The following KCNH8 variants were observed in gnomAD, a reference collection of about 807,000 sequenced individuals.
KCNH8 encodes the protein potassium voltage-gated channel subfamily H member 8.
Under a neutral mutation model 103.6 loss-of-function variants are expected in KCNH8, and 70 were observed. That is an observed-to-expected ratio of 0.68 (90% CI 0.56 to 0.82). The LOEUF (loss-of-function observed/expected upper bound fraction) is 0.82, where lower values mean the gene tolerates loss of function less well. KCNH8 is among the 40% of genes least tolerant of loss of function. KCNH8 has a pLI of 0.00. For synonymous variants in KCNH8, 498 were observed against 489.4 expected, an observed-to-expected ratio of 1.02 and a Z score of -0.23; for missense variants, 1,217 against 1,329.9, an observed-to-expected ratio of 0.92 and a Z score of 1.32.
chr3:19,390,565 T>C lies in KCNH8; in HGVS notation c.896T>C (p.Val299Ala). The C allele has an allele frequency of 6.2e-7, 1 of 1,613,542 alleles. No homozygotes were observed. The highest frequency in any genetic ancestry group is 8.5e-7 in the Non-Finnish European group (1 of 1,179,632). The change falls in exon 6 of 16, where the codon GTC (valine) becomes GCC (alanine). Residue 299 changes from valine to alanine, a missense_variant. By Grantham distance (64) the Val-to-Ala change is moderately conservative. This residue lies in a region of KCNH8 where 415 missense variants were observed against 577.4 expected (regional missense o/e 0.72). Transcript: ENST00000328405. ...FEARSICIHY[V>A]TTWFIIDLIA... is the part of the protein sequence containing the mutation. ...GCAAGATCAATTTGCATCCACTATG[T>C]CACAACCTGGTTCATCATTGATTTA...
At chr3:19,290,631 C>G (rs554383127) in intron 3 of KCNH8, among the ~76,000 whole-genome samples, 7 of 152,172 alleles carry the variant, frequency 4.6e-5, no homozygotes, top group Non-Finnish European at 1.0e-4. Context: ...TTTTGATGTG[C>G]TGCTGGATTC....
intron 1 of KCNH8, among the ~76,000 whole-genome samples, chr3:19,196,192 A>G (rs2063600299): frequency 2.0e-5 from 3 of 151,982 alleles, no homozygotes; most frequent in Non-Finnish European, 4.4e-5. Context: ...GTCTTCCTCT[A>G]CCACTCCAAA....
intron 2 of KCNH8, among the ~76,000 whole-genome samples, chr3:19,271,661 C>T (rs547696269): frequency 2.6e-4 from 39 of 152,246 alleles, no homozygotes; most frequent in African/African-American, 8.7e-4. Flanking sequence ...ACCCTGGCCT[C>T]CTCAAAGCTC....
chr3:19,471,976 T>C (rs1053369064), intron 11 of KCNH8, among the ~76,000 whole-genome samples: 3 of 152,236 alleles, frequency 2.0e-5, no homozygotes, highest in Admixed American at 6.5e-5. Flanking sequence ...TTTTGACTTA[T>C]GCACTTTTTT....
chr3:19,409,899 C>T (rs950115142), intron 7 of KCNH8, among the ~76,000 whole-genome samples: 2 of 152,094 alleles, frequency 1.3e-5, no homozygotes, highest in Non-Finnish European at 2.9e-5. Flanking sequence ...TACAAAAAGA[C>T]TTAGACAGCC....
intron 11 of KCNH8, among the ~76,000 whole-genome samples, chr3:19,477,730 G>C (rs1410151803): frequency 6.6e-6 from 1 of 152,102 alleles, no homozygotes; most frequent in Non-Finnish European, 1.5e-5. Context: ...TTAATCTTAA[G>C]ATGTCTTACT....
At chr3:19,430,837 A>T (rs968684884) in intron 7 of KCNH8, among the ~76,000 whole-genome samples, 1 of 152,110 alleles carries the variant, frequency 6.6e-6, no homozygotes, top group Non-Finnish European at 1.5e-5. Flanking sequence ...TTGATTTTGT[A>T]TCCTGAGGCT....
At chr3:19,477,345 AT>A (rs754231542) in intron 11 of KCNH8, among the ~76,000 whole-genome samples, 1 of 152,104 alleles carries the variant, frequency 6.6e-6, no homozygotes, top group Non-Finnish European at 1.5e-5. Flanking sequence ...TATAATTAAT[AT>A]TTATAAACAA....
At chr3:19,148,891 G>A in intron 1 of KCNH8, 96 bp downstream of exon 1, 2 of 1,110,450 alleles carry the variant, frequency 1.8e-6, no homozygotes, top group East Asian at 2.4e-5. Context: ...TTGCACCAGC[G>A]GAGTGAATTT....
intron 3 of KCNH8, among the ~76,000 whole-genome samples, chr3:19,295,723 G>A (rs2064989411): frequency 6.6e-6 from 1 of 152,156 alleles, no homozygotes; most frequent in Admixed American, 6.5e-5. Context: ...ACTTCAGTGG[G>A]TGGTGTGGCT....
intron 5 of KCNH8, among the ~76,000 whole-genome samples, chr3:19,382,167 A>T (rs1211637538): frequency 6.6e-6 from 1 of 152,210 alleles, no homozygotes; most frequent in Non-Finnish European, 1.5e-5. Context: ...AATGCTAAAT[A>T]TTATCTTTAT....
chr3:19,353,969 G>T (rs1056224442), intron 5 of KCNH8, among the ~76,000 whole-genome samples: 2 of 152,154 alleles, frequency 1.3e-5, no homozygotes, highest in Non-Finnish European at 2.9e-5. Context: ...TGACATGATT[G>T]TATACTTAGA....
intron 1 of KCNH8, among the ~76,000 whole-genome samples, chr3:19,149,993 G>T (rs1245517260): frequency 6.6e-6 from 1 of 152,168 alleles, no homozygotes; most frequent in Non-Finnish European, 1.5e-5. Flanking sequence ...ACATGAGAAA[G>T]AAATGAATCA....
chr3:19,248,948 C>T (rs1020361733), intron 1 of KCNH8, among the ~76,000 whole-genome samples: 2 of 152,134 alleles, frequency 1.3e-5, no homozygotes, highest in Non-Finnish European at 2.9e-5. Flanking sequence ...ATGAAAGCTT[C>T]TTGCTAAGAA....
rs183464759 is a variant in KCNH8 at position 19,498,000 on chromosome 3, T to C, written c.2041-12363T>C. On this transcript the variant is annotated intron_variant, in intron 11 of 15. Transcript: ENST00000328405. ...TCTTTACCATTATGTAATGTCCTAC[T>C]CTATCTTTTTTGGTCTTTGTTGGTT... 3.9e-5 allele frequency among the ~76,000 whole-genome samples: 6 copies of C among 152,332 alleles called. No individual in the cohort carries two copies. In the East Asian group the frequency reaches 5.8e-4, roughly 15 times the overall value.
chr3:19,450,640 T>C (rs1196269250), intron 9 of KCNH8: 1 of 319,460 alleles, frequency 3.1e-6, no homozygotes, highest in African/African-American at 2.2e-5. Context: ...AAGTTTCTGT[T>C]TCCCTTAACA....
At chr3:19,428,604 C>T (rs146790641) in intron 7 of KCNH8, among the ~76,000 whole-genome samples, 61 of 152,340 alleles carry the variant, frequency 4.0e-4, no homozygotes, top group African/African-American at 1.4e-3. Context: ...TTCTGCTAAG[C>T]GCTTTACGTG....
At chr3:19,415,848 A>G (rs2066855652) in intron 7 of KCNH8, among the ~76,000 whole-genome samples, 1 of 152,082 alleles carries the variant, frequency 6.6e-6, no homozygotes, top group South Asian at 2.1e-4. Context: ...GATCTTCATT[A>G]GCAATTGTTA....
chr3:19,452,869 C>A (rs2125185426), intron 10 of KCNH8, among the ~76,000 whole-genome samples: 1 of 152,208 alleles, frequency 6.6e-6, no homozygotes, highest in African/African-American at 2.4e-5. Flanking sequence ...TAAACAATAT[C>A]TATTTTTCTA....
Sources: allele counts gnomAD v4.1 joint callset (sites outside exome capture counted in the v4.1 genomes callset), GRCh38; gene constraint gnomAD v4.1.1; regional missense constraint gnomAD v4.1.1; transcripts MANE v1.5; gene names NCBI Gene and HGNC (gene_info 2026-07-23, HGNC 2026-07-21).